The following PCDH11X variants were observed in gnomAD, a reference collection of about 807,000 sequenced individuals.
PCDH11X encodes protocadherin 11 X-linked.
A neutral mutation model predicts 53.3 loss-of-function variants in PCDH11X; 18 were observed. That is an observed-to-expected ratio of 0.34 (90% CI 0.23 to 0.50). The LOEUF is 0.50. PCDH11X is among the 20% of genes least tolerant of loss of function. The probability of loss-of-function intolerance (pLI) is 0.98; values close to 1 mark genes in which losing one functional copy is unlikely to be tolerated. For synonymous variants in PCDH11X, 279 were observed against 393.3 expected (o/e 0.71, Z 3.44); for missense variants, 570 against 1,032.4 (o/e 0.55, Z 6.14).
chrX:92,613,994 T>C (rs1389203316), intron 10 of PCDH11X, among the ~76,000 whole-genome samples: 1 of 110,620 alleles, frequency 9.0e-6, no homozygotes, highest in East Asian at 2.9e-4. Flanking sequence ...AATCCAGAAG[T>C]TCTGATTGCT....
At chrX:92,049,092 C>A (rs964790072) in intron 6 of PCDH11X, among the ~76,000 whole-genome samples, 1 of 110,393 alleles carries the variant, frequency 9.1e-6, no homozygotes, top group Non-Finnish European at 1.9e-5. Context: ...CTCAGATAGC[C>A]AACTTCAGAG....
chrX:92,549,342 GCTTA>G (rs938573652), intron 10 of PCDH11X, among the ~76,000 whole-genome samples: 14 of 103,792 alleles, frequency 1.3e-4, no homozygotes, highest in African/African-American at 4.9e-4. Context: ...TTCATTTGCT[GCTTA>G]CTTAGAAAGT....
chrX:91,823,774 A>G (rs1314747689), intron 4 of PCDH11X, among the ~76,000 whole-genome samples: 2 of 111,326 alleles, frequency 1.8e-5, no homozygotes, highest in East Asian at 2.9e-4. Context: ...TAGTCTCGAT[A>G]GTCTTTACAT....
intron 10 of PCDH11X, among the ~76,000 whole-genome samples, chrX:92,499,190 G>A (rs1401151600): frequency 1.9e-5 from 2 of 106,347 alleles, no homozygotes; most frequent in Non-Finnish European, 3.9e-5. Context: ...TTAAAAATCA[G>A]AATATAGAAG....
At chrX:92,242,361 C>G in intron 7 of PCDH11X, among the ~76,000 whole-genome samples, 1 of 111,387 alleles carries the variant, frequency 9.0e-6, no homozygotes, top group Non-Finnish European at 1.9e-5. Flanking sequence ...GCCTGGGCAA[C>G]ATAGTGAAAC....
rs772804596 is a variant in PCDH11X, at chrX:92,068,714, A to G, written c.3034-132661A>G. ...ACCACCACGCCTGGCTGATTTTTGT[A>G]TTTTTAGTAGAGACGGGGTTTTACC... On this transcript the variant is annotated intron_variant, in intron 6 of 10. Coordinates refer to ENST00000682573, the MANE Select transcript of PCDH11X (RefSeq NM_032968.5). 5.5e-5 allele frequency among the ~76,000 whole-genome samples: 6 copies of G among 108,868 alleles called. No individual in the cohort carries two copies. The East Asian group carries it at 1.7e-3, about 32-fold the overall frequency. The allele number at this position is 108,868 out of a possible 115,157, so 94.5% of individuals were successfully genotyped here.
intron 6 of PCDH11X, among the ~76,000 whole-genome samples, chrX:92,005,352 G>T (rs1446833055): frequency 6.4e-5 from 7 of 109,834 alleles, no homozygotes; most frequent in Non-Finnish European, 1.3e-4. Flanking sequence ...TATTTTTTAT[G>T]TATCCATTAT....
chrX:92,051,419 CA>C (rs1296224252), intron 6 of PCDH11X, among the ~76,000 whole-genome samples: 4 of 111,478 alleles, frequency 3.6e-5, no homozygotes, highest in Non-Finnish European at 5.7e-5. Context: ...GCAATGATTT[CA>C]AATACAGCAT....
In PCDH11X at chrX:92,620,402, C is replaced by T. The variant is rs1260497597; in HGVS notation, c.*1462C>T. 1 of 105,678 alleles carries T rather than the reference C, an allele frequency of 9.5e-6. No individual in the cohort carries two copies. Among genetic ancestry groups the T allele is most frequent in the Non-Finnish European group, 1.9e-5 (1 of 51,628 alleles). 8.7% of individuals were successfully genotyped at this position (105,678 alleles called of 1,213,427 possible). A position where few individuals can be genotyped will look rare whatever the true frequency, so the allele number is the denominator to read the frequency against. ...GAAACATCACCAACTTAATTTTCTT[C>T]CATAGCAAAACTGAGAAAATACCTT... is the stretch of plus-strand genomic sequence containing the variant. On this transcript the variant is annotated 3_prime_UTR_variant, in exon 11 of 11. Coordinates refer to ENST00000682573, the MANE Select transcript of PCDH11X (RefSeq NM_032968.5).
At chrX:92,166,071 G>T (rs2759822) in intron 6 of PCDH11X, among the ~76,000 whole-genome samples, 2 of 111,211 alleles carry the variant, frequency 1.8e-5, no homozygotes, top group African/African-American at 6.5e-5. Context: ...GTCTTCAATA[G>T]TATACATATA....
chrX:92,620,326 T>A lies in PCDH11X; in HGVS notation c.*1386T>A, dbSNP rs1188897614. ...TCTGTTGTCTGTTATTTCCTTCTTGTATCCTCTTAACTGGCCATTATCTTG... is the reference window on the plus strand; with the variant it reads ...TCTGTTGTCTGTTATTTCCTTCTTGAATCCTCTTAACTGGCCATTATCTTG... On this transcript the variant is annotated 3_prime_UTR_variant, in exon 11 of 11. Transcript: ENST00000682573. The A allele has an allele frequency of 1.8e-5, 2 of 110,845 alleles. No individual in the cohort carries two copies. Among genetic ancestry groups the A allele is most frequent in the Admixed American group, 1.9e-4 (2 of 10,356 alleles). 9.1% of individuals were successfully genotyped at this position (110,845 alleles called of 1,213,427 possible). A position where few individuals can be genotyped will look rare whatever the true frequency, so the allele number is the denominator to read the frequency against.
chrX:92,537,480 T>C (rs2074681032), intron 10 of PCDH11X, among the ~76,000 whole-genome samples: 1 of 110,591 alleles, frequency 9.0e-6, no homozygotes, highest in Non-Finnish European at 1.9e-5. Flanking sequence ...AAAATACCAA[T>C]GATATTTTTC....
intron 7 of PCDH11X, among the ~76,000 whole-genome samples, chrX:92,260,570 A>G (rs2067695194): frequency 9.1e-6 from 1 of 109,871 alleles, no homozygotes; most frequent in Non-Finnish European, 1.9e-5. Flanking sequence ...GGCACACCTG[A>G]TTTTTGGTTC....
intron 8 of PCDH11X, among the ~76,000 whole-genome samples, chrX:92,270,537 T>C (rs2067934878): frequency 8.9e-6 from 1 of 111,848 alleles, no homozygotes; most frequent in African/African-American, 3.3e-5. Context: ...TTTAGAAGTT[T>C]ACTTTGCCAA....
At chrX:92,409,380 C>T (rs2754960) in intron 9 of PCDH11X, among the ~76,000 whole-genome samples, 7 of 111,902 alleles carry the variant, frequency 6.3e-5, no homozygotes, top group Non-Finnish European at 1.1e-4. Flanking sequence ...GTTTAAACAC[C>T]CATCAAAATG....
At chrX:92,234,575 ATG>A (rs777245394) in intron 7 of PCDH11X, among the ~76,000 whole-genome samples, 1 of 111,208 alleles carries the variant, frequency 9.0e-6, no homozygotes, top group Non-Finnish European at 1.9e-5. Context: ...ATGTGTGTGT[ATG>A]TGTGTGTGTG....
At chrX:91,794,158 T>C (rs1481990684) in intron 1 of PCDH11X, among the ~76,000 whole-genome samples, 1 of 112,226 alleles carries the variant, frequency 8.9e-6, no homozygotes, top group Non-Finnish European at 1.9e-5. Flanking sequence ...GTGATATTTA[T>C]TCGTGAATGT....
At chrX:92,451,368 G>A (rs1329064324) in intron 9 of PCDH11X, among the ~76,000 whole-genome samples, 38 of 110,089 alleles carry the variant, frequency 3.5e-4, no homozygotes, top group Non-Finnish European at 5.7e-4. Context: ...AGGCAAAAAA[G>A]AAATATTAAT....
chrX:91,885,925 G>A (rs2147752206), intron 6 of PCDH11X, among the ~76,000 whole-genome samples: 1 of 111,711 alleles, frequency 9.0e-6, no homozygotes, highest in East Asian at 2.8e-4. Flanking sequence ...TGATAGTACA[G>A]AGATTTAACA....
Sources: allele counts gnomAD v4.1 joint callset (sites outside exome capture counted in the v4.1 genomes callset), GRCh38; gene constraint gnomAD v4.1.1; transcripts MANE v1.5; gene names NCBI Gene and HGNC (gene_info 2026-07-23, HGNC 2026-07-21).